Variants in MAPK8 observed in about 807,000 individuals in gnomAD.
MAPK8 encodes JUN N-terminal kinase.
MAPK8 carries 13 observed loss-of-function variants against 52.9 expected under a neutral mutation model. That is an observed-to-expected ratio of 0.25 (90% CI 0.16 to 0.39). MAPK8 has a LOEUF of 0.39. Among genes scored for constraint, MAPK8 ranks in the 10% least tolerant of loss-of-function variants. MAPK8 has a pLI of 1.00. For missense variants in MAPK8, 300 were observed against 519.2 expected (o/e 0.58, Z 4.10); for synonymous variants, 191 against 169.8 (o/e 1.12, Z -0.97).
intron 1 of MAPK8, among the ~76,000 whole-genome samples, chr10:48,370,929 G>A (rs1848479250): frequency 6.6e-6 from 1 of 152,072 alleles, no homozygotes; most frequent in African/African-American, 2.4e-5. Flanking sequence ...CTACTTAGAC[G>A]CTATGTACAT....
intron 1 of MAPK8, among the ~76,000 whole-genome samples, chr10:48,397,895 T>C (rs1316520888): frequency 6.6e-6 from 1 of 152,166 alleles, no homozygotes; most frequent in Non-Finnish European, 1.5e-5. Context: ...CAGGCCGGAA[T>C]AGTTCAGTAT....
At chr10:48,385,677 G>A (rs570798078) in intron 1 of MAPK8, among the ~76,000 whole-genome samples, 1 of 152,164 alleles carries the variant, frequency 6.6e-6, no homozygotes, top group South Asian at 2.1e-4. Flanking sequence ...AGATGAGATA[G>A]AGCATAAAAT....
intron 1 of MAPK8, among the ~76,000 whole-genome samples, chr10:48,378,170 A>G (rs960728862): frequency 2.6e-5 from 4 of 152,182 alleles, no homozygotes; most frequent in African/African-American, 7.2e-5. Flanking sequence ...AAGTGTCATG[A>G]TGTCCCTTGT....
intron 1 of MAPK8, among the ~76,000 whole-genome samples, chr10:48,365,212 C>A (rs1023838822): frequency 2.0e-5 from 3 of 152,100 alleles, no homozygotes; most frequent in Non-Finnish European, 2.9e-5. Context: ...TGCCAGTGTT[C>A]TTAAGGAAGC....
chr10:48,426,886 GTTAA>G (rs1483832349), intron 9 of MAPK8, 190 bp from the exon 10 acceptor site: 2 of 522,790 alleles, frequency 3.8e-6, no homozygotes, highest in African/African-American at 3.8e-5. Context: ...AAAAAAGACA[GTTAA>G]ACATTTTATT....
intron 1 of MAPK8, among the ~76,000 whole-genome samples, chr10:48,372,860 A>G (rs1055049380): frequency 5.9e-5 from 9 of 152,136 alleles, no homozygotes; most frequent in African/African-American, 1.9e-4. Flanking sequence ...GGCCAGCAAC[A>G]TTCAAATTCA....
chr10:48,424,576 G>A (rs746917235), intron 7 of MAPK8: 1 of 1,592,456 alleles, frequency 6.3e-7, no homozygotes. Context: ...TTTGTTCCCA[G>A]GTACAGATCG....
At chr10:48,408,843 T>A (rs1486668250) in intron 3 of MAPK8, among the ~76,000 whole-genome samples, 1 of 152,208 alleles carries the variant, frequency 6.6e-6, no homozygotes, top group Non-Finnish European at 1.5e-5. Flanking sequence ...TGATTCTTGA[T>A]GAGGGCCTGC....
At chr10:48,407,086 A>G (rs2042513762) in intron 3 of MAPK8, among the ~76,000 whole-genome samples, 1 of 152,178 alleles carries the variant, frequency 6.6e-6, no homozygotes, top group Non-Finnish European at 1.5e-5. Context: ...TCAAAGGTGA[A>G]ATGTGGTTGC....
chr10:48,320,465 G>A lies in MAPK8; in HGVS notation c.-50+13644G>A, dbSNP rs555129871. ...TTTCCCAGGCTGGTCTTGAACTCCT[G>A]GCCTCAAGTTATCCTCCCACCTTGA... On this transcript the variant is annotated intron_variant, in intron 1 of 11. Coordinates refer to ENST00000374189, the MANE Select transcript of MAPK8 (RefSeq NM_001323329.2). Among the ~76,000 whole-genome samples the A allele has an allele frequency of 1.4e-3, 217 of 151,856 alleles. 1 individual carries two copies. The highest frequency in any genetic ancestry group is 3.4e-3 in the Middle Eastern group (1 of 294).
chr10:48,395,042 C>A (rs1279561168), intron 1 of MAPK8, among the ~76,000 whole-genome samples: 1 of 151,892 alleles, frequency 6.6e-6, no homozygotes, highest in Non-Finnish European at 1.5e-5. Flanking sequence ...AGTGTCATGT[C>A]TGTGAATCAA....
Position 48,360,374 on chromosome 10 carries a change from G to T in MAPK8, c.-49-41238G>T, listed in dbSNP as rs190041419. 2.8e-4 allele frequency among the ~76,000 whole-genome samples: 43 copies of T among 152,178 alleles called. 1 individual carries two copies. The highest frequency in any genetic ancestry group is 2.2e-3 in the Admixed American group (33 of 15,274). The stretch of plus-strand genomic sequence containing the variant: ...TTGGTGTTACCCCTTTGGAAAATTG[G>T]TTTTTTTATCACCTAAAATAGTTGA... On this transcript the variant is annotated intron_variant, in intron 1 of 11. Transcript: ENST00000374189.
At chr10:48,311,786 T>A (rs184995224) in intron 1 of MAPK8, among the ~76,000 whole-genome samples, 7 of 152,330 alleles carry the variant, frequency 4.6e-5, no homozygotes, top group African/African-American at 1.7e-4. Context: ...TTTCTAAGTC[T>A]TCTGTTTAGC....
chr10:48,340,021 A>G (rs148275003), intron 1 of MAPK8, among the ~76,000 whole-genome samples: 106 of 152,330 alleles, frequency 7.0e-4, no homozygotes, highest in Non-Finnish European at 1.4e-3. Flanking sequence ...AAATAGAACT[A>G]CCATTCAAAC....
intron 1 of MAPK8, among the ~76,000 whole-genome samples, chr10:48,395,762 G>A (rs868251145): frequency 6.6e-6 from 1 of 151,960 alleles, no homozygotes; most frequent in Non-Finnish European, 1.5e-5. Flanking sequence ...TTATACTCAG[G>A]ACACTGTGGT....
At chr10:48,346,655 G>A (rs951810179) in intron 1 of MAPK8, among the ~76,000 whole-genome samples, 2 of 152,176 alleles carry the variant, frequency 1.3e-5, no homozygotes, top group African/African-American at 4.8e-5. Flanking sequence ...TTATCCGGAG[G>A]CCTAACCGTC....
At chr10:48,379,281 G>A (rs2040849668) in intron 1 of MAPK8, among the ~76,000 whole-genome samples, 1 of 152,198 alleles carries the variant, frequency 6.6e-6, no homozygotes, top group African/African-American at 2.4e-5. Flanking sequence ...TAAGGGAACA[G>A]TATAGACAAC....
chr10:48,337,335 G>T (rs1200922181), intron 1 of MAPK8, among the ~76,000 whole-genome samples: 4 of 152,134 alleles, frequency 2.6e-5, no homozygotes, highest in Non-Finnish European at 4.4e-5. Context: ...TAAGTACATG[G>T]AAATGAAACA....
At chr10:48,383,836 G>T (rs2041155170) in intron 1 of MAPK8, among the ~76,000 whole-genome samples, 1 of 151,844 alleles carries the variant, frequency 6.6e-6, no homozygotes, top group Admixed American at 6.6e-5. Context: ...CCATTTTATT[G>T]CCCTAAGTAG....
Sources: gnomAD v4.1 joint callset for allele counts (sites outside exome capture counted in the v4.1 genomes callset) on GRCh38, gnomAD v4.1.1 for gene constraint, MANE v1.5 for transcripts, NCBI Gene and HGNC (gene_info 2026-07-23, HGNC 2026-07-21) for gene names.